The following DAB1 variants were observed in gnomAD, a reference collection of about 807,000 sequenced individuals.
DAB1 encodes the protein disabled homolog 1.
DAB1 carries 15 observed loss-of-function variants against 64.6 expected under a neutral mutation model. The ratio of observed to expected loss-of-function variants is 0.23; its 90% CI spans 0.16 to 0.36. The LOEUF (loss-of-function observed/expected upper bound fraction) is 0.36. Among genes scored for constraint, DAB1 ranks in the 10% least tolerant of loss-of-function variants. The pLI is 1.00. For synonymous variants in DAB1, 235 were observed against 251.9 expected (o/e 0.93, Z 0.64); for missense variants, 596 against 706.7 (o/e 0.84, Z 1.78).
intron 7 of DAB1, among the ~76,000 whole-genome samples, chr1:57,613,118 A>G (rs1645748571): frequency 6.6e-6 from 1 of 152,250 alleles, no homozygotes; most frequent in Non-Finnish European, 1.5e-5. Context: ...AATATGCTTC[A>G]TAAGTATGTA....
intron 2 of DAB1, among the ~76,000 whole-genome samples, chr1:57,166,747 C>T (rs1417328360): frequency 6.6e-6 from 1 of 152,196 alleles, no homozygotes; most frequent in Non-Finnish European, 1.5e-5. Flanking sequence ...TTGTAAAAGA[C>T]CTTACATCTA....
At chr1:58,217,873 T>C (rs1224682406) in intron 4 of DAB1, among the ~76,000 whole-genome samples, 7 of 152,208 alleles carry the variant, frequency 4.6e-5, no homozygotes, top group African/African-American at 1.2e-4. Flanking sequence ...TGTTAATATT[T>C]GAATGAATGA....
chr1:58,456,557 G>C (rs1443703115), intron 3 of DAB1, among the ~76,000 whole-genome samples: 1 of 152,172 alleles, frequency 6.6e-6, no homozygotes, highest in Non-Finnish European at 1.5e-5. Context: ...GAGTGAGGAC[G>C]GCAGAAGGAA....
At chr1:57,835,516 CAG>C (rs1446746175) in intron 1 of DAB1, among the ~76,000 whole-genome samples, 6 of 152,138 alleles carry the variant, frequency 3.9e-5, no homozygotes, top group South Asian at 2.1e-4. Context: ...AGTCAGGAAA[CAG>C]GGGACCAGAG....
chr1:58,183,422 G>C (rs934968708), intron 4 of DAB1, among the ~76,000 whole-genome samples: 3 of 151,032 alleles, frequency 2.0e-5, no homozygotes, highest in Non-Finnish European at 4.4e-5. Context: ...AAGATCAACA[G>C]GGATAGTGGC....
At chr1:57,428,986 T>C (rs1175410192), upstream of DAB1, among the ~76,000 whole-genome samples, 1 of 151,658 alleles carries the variant, frequency 6.6e-6, no homozygotes, top group Non-Finnish European at 1.5e-5. Flanking sequence ...CATCATTGCT[T>C]AGTTCAGCCT....
At position 58,335,646 on chromosome 1, in the gene DAB1, T is replaced by C. The variant is rs545566890; in HGVS notation, n.309+7706A>G. ...AAGCTAGCCATGCAAGGGATTGGTG[T>C]TTGGGGGCAGGGTGGAAGTGGAAAG... On this transcript the variant is annotated intron_variant and non_coding_transcript_variant, in intron 4 of 20. Transcript: ENST00000485760. 7.3e-4 allele frequency among the ~76,000 whole-genome samples: 110 copies of C among 151,256 alleles called. 1 individual carries two copies. The highest frequency in any genetic ancestry group is 1.3e-3 in the Non-Finnish European group (90 of 67,934).
chr1:57,773,587 G>C (rs1480426564), intron 6 of DAB1, among the ~76,000 whole-genome samples: 1 of 151,804 alleles, frequency 6.6e-6, no homozygotes, highest in Non-Finnish European at 1.5e-5. Flanking sequence ...TCTACCCCAA[G>C]GTTATGAATA....
intron 4 of DAB1, among the ~76,000 whole-genome samples, chr1:58,166,750 GTTT>G (rs35872481): frequency 1.5e-5 from 2 of 134,948 alleles, no homozygotes; most frequent in Admixed American, 7.3e-5. Flanking sequence ...TTGTTTGTTC[GTTT>G]TTTTTTTTTT....
intron 4 of DAB1, among the ~76,000 whole-genome samples, chr1:58,301,781 G>T (rs994567515): frequency 2.0e-5 from 3 of 152,214 alleles, no homozygotes; most frequent in Admixed American, 2.0e-4. Context: ...CCTTTTATTA[G>T]CTCTGTAACT....
intron 5 of DAB1, chr1:58,074,562 G>GTATATATATATATA (rs1322794894): frequency 2.6e-5 from 1 of 39,048 alleles, no homozygotes; most frequent in African/African-American, 1.2e-4. Context: ...ATATATATGT[G>GTATATATATATATA]TGTATATATA....
chr1:58,033,248 G>T (rs1646996063), intron 5 of DAB1, among the ~76,000 whole-genome samples: 1 of 152,140 alleles, frequency 6.6e-6, no homozygotes, highest in Admixed American at 6.5e-5. Flanking sequence ...TGCACAAGCT[G>T]GCTGTATTCC....
At chr1:57,320,815 A>G (rs919047699) in intron 1 of DAB1, among the ~76,000 whole-genome samples, 3 of 152,174 alleles carry the variant, frequency 2.0e-5, no homozygotes, top group South Asian at 4.1e-4. Context: ...AGTTATTACT[A>G]CTATCTCCAC....
chr1:57,984,079 G>A (rs769641738), intron 5 of DAB1, among the ~76,000 whole-genome samples: 6 of 149,422 alleles, frequency 4.0e-5, no homozygotes, highest in Admixed American at 6.7e-5. Context: ...AGGCAGCCCC[G>A]CTCCAGTAAG....
At chr1:57,213,081 G>T (rs1253481105) in intron 2 of DAB1, among the ~76,000 whole-genome samples, 1 of 151,954 alleles carries the variant, frequency 6.6e-6, no homozygotes, top group African/African-American at 2.4e-5. Context: ...CCAGGGCCCA[G>T]CTGGGTGATC....
chr1:57,203,146 T>G (rs1665242728), intron 2 of DAB1, among the ~76,000 whole-genome samples: 1 of 152,150 alleles, frequency 6.6e-6, no homozygotes, highest in Admixed American at 6.5e-5. Context: ...GCACCATTTC[T>G]CTTAGCCACA....
At chr1:57,328,237 C>A (rs1676344774) in intron 1 of DAB1, among the ~76,000 whole-genome samples, 1 of 152,152 alleles carries the variant, frequency 6.6e-6, no homozygotes, top group South Asian at 2.1e-4. Context: ...GAAAAGCCTA[C>A]CTGTAAGGAG....
At chr1:58,521,423 A>G (rs111483917) in intron 2 of DAB1, among the ~76,000 whole-genome samples, 4,074 of 152,108 alleles carry the variant, frequency 0.027, 175 homozygotes, top group African/African-American at 0.092. Context: ...GCAGAATAAA[A>G]TAATGAAAAA....
rs138222040 is a variant in DAB1 at position 58,003,393 on chromosome 1, T to C, written n.388-119231A>G. On this transcript the variant is annotated intron_variant and non_coding_transcript_variant, in intron 5 of 20. Transcript: ENST00000485760. ...AAATCCAACTGACACTACTTAAAAT[T>C]TGCATTGTAGATGGGAGAGACTTCA... 8.5e-5 allele frequency among the ~76,000 whole-genome samples: 13 copies of C among 152,292 alleles called. No individual in the cohort carries two copies. In the East Asian group the frequency reaches 2.3e-3, roughly 27 times the overall value.
Sources: gnomAD v4.1 joint callset for allele counts (sites outside exome capture counted in the v4.1 genomes callset) on GRCh38, gnomAD v4.1.1 for gene constraint, MANE v1.5 for transcripts, NCBI Gene and HGNC (gene_info 2026-07-23, HGNC 2026-07-21) for gene names.